Variants in SDCCAG8 observed in about 807,000 individuals in gnomAD.
SDCCAG8 encodes SHH signaling and ciliogenesis regulator SDCCAG8.
A neutral mutation model predicts 101.8 loss-of-function variants in SDCCAG8; 74 were observed. That is an observed-to-expected ratio of 0.73 (90% CI 0.60 to 0.88). The LOEUF (loss-of-function observed/expected upper bound fraction) is 0.88, where lower values mean the gene tolerates loss of function less well. Ranked by LOEUF, SDCCAG8 falls within the 40% of genes least tolerant of loss-of-function variation. SDCCAG8 has a pLI of 0.00. For missense variants in SDCCAG8, 787 were observed against 822.6 expected (o/e 0.96, Z 0.53); for synonymous variants, 281 against 292.9 (o/e 0.96, Z 0.41).
At chr1:243,403,682 G>A (rs1401621106) in intron 13 of SDCCAG8, among the ~76,000 whole-genome samples, 2 of 152,110 alleles carry the variant, frequency 1.3e-5, no homozygotes, top group Admixed American at 6.5e-5. Flanking sequence ...TGTAAACTGC[G>A]CATGTGAGGG....
intron 7 of SDCCAG8, chr1:243,305,365 T>C (rs1292682374): frequency 6.6e-6 from 1 of 151,760 alleles, no homozygotes; most frequent in Admixed American, 6.6e-5. Context: ...AATTATGATA[T>C]TCAAGTAAAA....
chr1:243,419,209 C>T (rs1008370702), intron 15 of SDCCAG8, among the ~76,000 whole-genome samples: 12 of 151,942 alleles, frequency 7.9e-5, no homozygotes, highest in Non-Finnish European at 1.0e-4. Flanking sequence ...CTCTGACATG[C>T]GCACCTTCCT....
chr1:243,304,609 C>T (rs537297506), intron 6 of SDCCAG8, 104 bp from the exon 7 acceptor site: 20 of 673,510 alleles, frequency 3.0e-5, no homozygotes, highest in African/African-American at 2.2e-4. Flanking sequence ...GTTTCCCCCA[C>T]GTTGGGTAAA....
At chr1:243,489,748 A>G (rs1190536150) in intron 17 of SDCCAG8, among the ~76,000 whole-genome samples, 4 of 152,212 alleles carry the variant, frequency 2.6e-5, no homozygotes, top group African/African-American at 4.8e-5. Context: ...ACTAAGGCCC[A>G]GACAAGCATT....
rs540423097 is a variant in SDCCAG8, at chr1:243,303,988, G to A, written c.676-725G>A. 1.6e-4 allele frequency among the ~76,000 whole-genome samples: 24 copies of A among 152,162 alleles called. No homozygotes were observed. The South Asian group carries it at 5.0e-3, about 32-fold the overall frequency. ...CTTGGGTGGCTGAGGCACAAGAATA[G>A]CTTGAATCCAGCATGTGGAGGTTGC... On this transcript the variant is annotated intron_variant, in intron 6 of 17. Coordinates refer to ENST00000366541, the MANE Select transcript of SDCCAG8 (RefSeq NM_006642.5).
intron 1 of SDCCAG8, among the ~76,000 whole-genome samples, chr1:243,259,217 C>T (rs141929491): frequency 0.016 from 2,399 of 150,668 alleles, 68 homozygotes; most frequent in African/African-American, 0.055. Flanking sequence ...CTGGCTAACA[C>T]GGTGAAACCC....
chr1:243,409,296 A>G (rs936974006), intron 13 of SDCCAG8, among the ~76,000 whole-genome samples: 3 of 152,200 alleles, frequency 2.0e-5, no homozygotes. Context: ...CAATTATGGA[A>G]AAAAGGGAGA....
chr1:243,443,730 C>T (rs951721933), intron 16 of SDCCAG8, among the ~76,000 whole-genome samples: 4 of 152,066 alleles, frequency 2.6e-5, no homozygotes, highest in South Asian at 2.1e-4. Flanking sequence ...ATTTGGCTTC[C>T]GCTTGCTGTG....
intron 12 of SDCCAG8, among the ~76,000 whole-genome samples, chr1:243,348,174 C>T (rs1368791242): frequency 1.3e-4 from 20 of 150,596 alleles, no homozygotes; most frequent in Non-Finnish European, 2.2e-4. Flanking sequence ...TAGCTGGGAC[C>T]ACAGGCGCCC....
chr1:243,401,315 G>A (rs570388523), intron 13 of SDCCAG8, among the ~76,000 whole-genome samples: 10 of 152,276 alleles, frequency 6.6e-5, no homozygotes, highest in South Asian at 2.1e-4. Context: ...GGGAATAAGC[G>A]AAAACTACAA....
In SDCCAG8 at chr1:243,479,073, C is replaced by T. The variant is rs371324274; in HGVS notation, c.1986-9941C>T. On this transcript the variant is annotated intron_variant, in intron 16 of 17. Coordinates refer to ENST00000366541, the MANE Select transcript of SDCCAG8 (RefSeq NM_006642.5). Reference sequence around the variant, plus strand: ...GTTCTCACTGATAGGACCTCGTTCACGAGATGGAATTATGTAAAATGCCGC... The same window carrying T: ...GTTCTCACTGATAGGACCTCGTTCATGAGATGGAATTATGTAAAATGCCGC... Among the ~76,000 whole-genome samples the T allele has an allele frequency of 5.1e-4, 78 of 152,022 alleles. No individual in the cohort carries two copies. The South Asian group carries it at 0.013, about 25-fold the overall frequency.
At chr1:243,282,441 A>G (rs1165856935) in intron 4 of SDCCAG8, among the ~76,000 whole-genome samples, 2 of 152,194 alleles carry the variant, frequency 1.3e-5, no homozygotes, top group South Asian at 4.1e-4. Context: ...TGTTGAACAC[A>G]AAGTGTCATC....
intron 1 of SDCCAG8, among the ~76,000 whole-genome samples, chr1:243,257,217 AC>A (rs2066821296): frequency 6.6e-6 from 1 of 152,380 alleles, no homozygotes; most frequent in Non-Finnish European, 1.5e-5. Flanking sequence ...TATAAGTTTC[AC>A]TGAAGAATTT....
intron 13 of SDCCAG8, among the ~76,000 whole-genome samples, chr1:243,400,569 T>A (rs533668606): frequency 3.4e-4 from 52 of 152,332 alleles, no homozygotes; most frequent in South Asian, 2.9e-3. Flanking sequence ...TGACCAGACT[T>A]CAAGAGTAGC....
intron 13 of SDCCAG8, among the ~76,000 whole-genome samples, chr1:243,402,640 A>G (rs1055739815): frequency 3.9e-5 from 6 of 152,258 alleles, no homozygotes; most frequent in South Asian, 2.1e-4. Context: ...CCACGTGGCC[A>G]GTGGCTGCCA....
intron 17 of SDCCAG8, among the ~76,000 whole-genome samples, chr1:243,489,986 G>T (rs901924365): frequency 6.6e-6 from 1 of 152,198 alleles, no homozygotes; most frequent in Non-Finnish European, 1.5e-5. Context: ...ATAATGAGGT[G>T]GTCCGTGGGC....
At chr1:243,275,907 A>C in intron 4 of SDCCAG8, among the ~76,000 whole-genome samples, 1 of 122,524 alleles carries the variant, frequency 8.2e-6, no homozygotes, top group South Asian at 2.6e-4. Flanking sequence ...CATTGTCGCC[A>C]GACTGGAGTG....
intron 16 of SDCCAG8, among the ~76,000 whole-genome samples, chr1:243,448,004 C>CT (rs1388776848): frequency 1.3e-5 from 2 of 152,154 alleles, no homozygotes; most frequent in African/African-American, 4.8e-5. Flanking sequence ...CCAACCGTGG[C>CT]TTTTATTTTG....
chr1:243,366,527 G>A (rs937301420), intron 12 of SDCCAG8, among the ~76,000 whole-genome samples: 1 of 151,872 alleles, frequency 6.6e-6, no homozygotes, highest in Non-Finnish European at 1.5e-5. Context: ...ACAACATAAT[G>A]TGAAAATGAT....
Sources: allele counts gnomAD v4.1 joint callset (sites outside exome capture counted in the v4.1 genomes callset), GRCh38; gene constraint gnomAD v4.1.1; transcripts MANE v1.5; gene names NCBI Gene and HGNC (gene_info 2026-07-23, HGNC 2026-07-21).